SACS: variants seen among roughly 807,000 people sequenced by gnomAD.
SACS encodes the protein sacsin molecular chaperone.
In SACS, 197 loss-of-function variants were observed where a neutral mutation model predicts 348.0. The observed-to-expected ratio is 0.57, with a 90% CI of 0.50 to 0.64. The LOEUF is 0.64. Among genes scored for constraint, SACS ranks in the 30% least tolerant of loss-of-function variants. The pLI, the probability that SACS is intolerant of heterozygous loss-of-function variation, is 0.00. For missense variants in SACS, 4,999 were observed against 5,360.8 expected (o/e 0.93, Z 2.11); for synonymous variants, 1,985 against 1,910.6 (o/e 1.04, Z -1.02).
rs1320224325 is a variant in SACS, at chr13:23,336,290, G to A, written c.7586C>T (p.Thr2529Ile). Residue 2529 changes from threonine (T) to isoleucine (I), a missense_variant, in exon 10 of 10, where the codon ACC becomes ATC. Transcript: ENST00000382292. Reference protein sequence around the residue: ...GTEFGQKEKLTSRIKSILNAY... With the variant: ...GTEFGQKEKLISRIKSILNAY... Reference sequence around the variant, plus strand: ...ATTAAGGATGCTCTTAATTCTGCTGGTCAATTTTTCTTTCTGCCCAAATTC... The same window carrying A: ...ATTAAGGATGCTCTTAATTCTGCTGATCAATTTTTCTTTCTGCCCAAATTC... The A allele has an allele frequency of 3.1e-6, 5 of 1,613,922 alleles. No homozygotes were observed. The highest frequency in any genetic ancestry group is 4.2e-6 in the Non-Finnish European group (5 of 1,179,960).
intron 5 of SACS, 32 bp from the exon 6 acceptor site, chr13:23,365,309 T>G (rs1474284903): frequency 8.3e-7 from 1 of 1,207,880 alleles, no homozygotes. Flanking sequence ...AAATAGTAAT[T>G]AATAACACAG....
intron 2 of SACS, among the ~76,000 whole-genome samples, chr13:23,389,514 G>A (rs1005390227): frequency 2.6e-5 from 4 of 152,132 alleles, no homozygotes; most frequent in African/African-American, 4.8e-5. Flanking sequence ...TTACATCCAC[G>A]TTACTAATTT....
chr13:23,375,462 G>T (rs1871715103), intron 2 of SACS, 193 bp from the exon 3 acceptor site: 1 of 1,171,304 alleles, frequency 8.5e-7, no homozygotes, highest in Non-Finnish European at 1.1e-6. Flanking sequence ...CGGGAGGGCG[G>T]GATCCGCATG....
chr13:23,430,801 AT>A (rs1445513062), intron 1 of SACS, among the ~76,000 whole-genome samples: 1 of 152,212 alleles, frequency 6.6e-6, no homozygotes, highest in African/African-American at 2.4e-5. Flanking sequence ...CTCGAGCAGA[AT>A]ATTTAAAACA....
intron 1 of SACS, chr13:23,426,949 CCTT>C (rs1193581440): frequency 6.6e-6 from 1 of 152,160 alleles, no homozygotes; most frequent in Non-Finnish European, 1.5e-5. Flanking sequence ...CCTTCTTCCT[CCTT>C]CTCTTTCTTT....
intron 9 of SACS, among the ~76,000 whole-genome samples, chr13:23,349,149 G>A (rs935559087): frequency 2.2e-4 from 34 of 152,188 alleles, no homozygotes; most frequent in African/African-American, 7.2e-4. Flanking sequence ...AAGCCCAAGC[G>A]CTGTAGACAG....
At chr13:23,358,657 T>G (rs867199765) in intron 6 of SACS, among the ~76,000 whole-genome samples, 176 bp from the exon 7 acceptor site, 2 of 151,966 alleles carry the variant, frequency 1.3e-5, no homozygotes, top group Non-Finnish European at 2.9e-5. Flanking sequence ...AGACACACAC[T>G]GAAGTAAAAA....
chr13:23,352,321 A>G (rs1870012041), intron 9 of SACS, among the ~76,000 whole-genome samples: 1 of 152,264 alleles, frequency 6.6e-6, no homozygotes, highest in South Asian at 2.1e-4. Flanking sequence ...CCAGCATCAC[A>G]GCAAATAAAA....
At chr13:23,380,261 ACCAT>A (rs1183715079) in intron 2 of SACS, among the ~76,000 whole-genome samples, 1 of 152,078 alleles carries the variant, frequency 6.6e-6, no homozygotes, top group African/African-American at 2.4e-5. Context: ...AGCAGCACTT[ACCAT>A]TCTCACCGGC....
chr13:23,334,373 G>A lies in SACS; in HGVS notation c.9503C>T (p.Ala3168Val). The change falls in exon 10 of 10, where the codon GCA becomes GTA. Residue 3168 changes from alanine to valine, a missense_variant. Transcript: ENST00000382292. ...TGTTGTTAGAAACTTGGGTCGTTTT[G>A]CATCAAAAGTTTGCAAAACACTGTC... ...TLDSVLQTFD[A>V]KRPKFLTTYH... The A allele has an allele frequency of 1.9e-6, 3 of 1,612,774 alleles. No individual in the cohort carries two copies. Among genetic ancestry groups the A allele is most frequent in the South Asian group, 1.1e-5 (1 of 90,866 alleles).
rs757325356 is a variant in SACS at position 23,339,042 on chromosome 13, T to C, written c.4834A>G (p.Arg1612Gly). The change falls in exon 10 of 10, where the codon AGA becomes GGA. Residue 1612 changes from arginine to glycine, a missense_variant. By Grantham distance (125) the Arg-to-Gly change is moderately radical (BLOSUM62 -2). This residue lies in a region of SACS where 3,156 missense variants were observed against 3,380.1 expected (regional missense o/e 0.93). Coordinates refer to ENST00000382292, the MANE Select transcript of SACS (RefSeq NM_014363.6). ...INWSKQQKRL[R>G]KFPNQFKPFI... Reference sequence around the variant, plus strand: ...GGTTTGAACTGATTAGGAAATTTTCTAAGTCTTTTCTGTTGTTTACTCCAA... The same window carrying C: ...GGTTTGAACTGATTAGGAAATTTTCCAAGTCTTTTCTGTTGTTTACTCCAA... 1.3e-5 allele frequency: 21 copies of C among 1,613,440 alleles called. No individual in the cohort carries two copies. Among genetic ancestry groups the C allele is most frequent in the Non-Finnish European group, 1.8e-5 (21 of 1,179,906 alleles).
chr13:23,408,771 C>G (rs1288828985), intron 2 of SACS, among the ~76,000 whole-genome samples: 2 of 151,990 alleles, frequency 1.3e-5, no homozygotes, highest in Non-Finnish European at 1.5e-5. Flanking sequence ...CGAGACCATC[C>G]TGGCTAACAC....
rs1276531383 is a variant in SACS at position 23,371,183 on chromosome 13, A to C, written c.172-18T>G. The C allele has an allele frequency of 2.6e-6, 4 of 1,527,872 alleles. No individual in the cohort carries two copies. The highest frequency in any genetic ancestry group is 3.4e-5 in the Admixed American group (2 of 58,948). The allele number at this position is 1,527,872 out of a possible 1,614,324, so 94.6% of individuals were successfully genotyped here. On this transcript the variant is annotated intron_variant, in intron 3 of 9. Coordinates refer to ENST00000382292, the MANE Select transcript of SACS (RefSeq NM_014363.6). ...TCAGATAACTGAAAAAAAGCAAAAG[A>C]AAATGTATGAAAAGCAATACAGTCT...
Position 23,330,692 on chromosome 13 carries a change from T to C in SACS, c.13184A>G (p.Gln4395Arg). The C allele has an allele frequency of 6.2e-7, 1 of 1,614,178 alleles. No homozygotes were observed. The highest frequency in any genetic ancestry group is 8.5e-7 in the Non-Finnish European group (1 of 1,180,002). Residue 4395 changes from glutamine (Q) to arginine (R), a missense_variant, in exon 10 of 10, where the codon CAG becomes CGG. Around this residue, in one of 6 missense-constraint regions of SACS, gnomAD observed 254 missense variants for 275.1 expected, o/e 0.92. Transcript: ENST00000382292. ...SRFQSDKYSF[Q>R]RFYTSWNQEA... ...TTGATTCCATGAAGTATAGAATCTCTGAAATGAGTATTTGTCTGACTGAAA... is the reference window on the plus strand; with the variant it reads ...TTGATTCCATGAAGTATAGAATCTCCGAAATGAGTATTTGTCTGACTGAAA...
chr13:23,380,213 A>G (rs1455667334), intron 2 of SACS, among the ~76,000 whole-genome samples: 2 of 151,246 alleles, frequency 1.3e-5, no homozygotes, highest in Non-Finnish European at 2.9e-5. Context: ...GACTTCCCCC[A>G]CCTCTTTAGA....
In SACS at chr13:23,332,512, A is replaced by C. The variant is rs1883546739; in HGVS notation, c.11364T>G (p.Arg3788=). Residue 3788 remains arginine, a synonymous_variant, in exon 10 of 10, where the codon CGT becomes CGG. Coordinates refer to ENST00000382292, the MANE Select transcript of SACS (RefSeq NM_014363.6). ...CAAAAGCAACCCCTCGCAACTGAAA[A>C]CGAAATTCCCTTTTTTCTGCACTGA... ...EFLSAEKREF[R]FQLRGVAFVM... is the part of the protein sequence containing the mutation. The C allele has an allele frequency of 6.2e-7, 1 of 1,613,846 alleles. No individual in the cohort carries two copies. The highest frequency in any genetic ancestry group is 1.1e-5 in the South Asian group (1 of 91,076).
chr13:23,412,679 C>T (rs1255247692), intron 1 of SACS, among the ~76,000 whole-genome samples: 1 of 152,108 alleles, frequency 6.6e-6, no homozygotes, highest in Admixed American at 6.5e-5. Flanking sequence ...AGCTCCCAAA[C>T]TGCTGGGATT....
At chr13:23,365,335 C>A in intron 5 of SACS, 58 bp from the exon 6 acceptor site, 1 of 939,758 alleles carries the variant, frequency 1.1e-6, no homozygotes, top group South Asian at 1.6e-5. Context: ...TACTGCTCAT[C>A]TTTGTATTTA....
At chr13:23,357,347 A>G (rs1423428957) in intron 7 of SACS, among the ~76,000 whole-genome samples, 1 of 152,166 alleles carries the variant, frequency 6.6e-6, no homozygotes, top group Non-Finnish European at 1.5e-5. Flanking sequence ...ATATAATTTA[A>G]TTTTGATTAT....
Sources: gnomAD v4.1 joint callset for allele counts (sites outside exome capture counted in the v4.1 genomes callset) on GRCh38, gnomAD v4.1.1 for gene constraint, gnomAD v4.1.1 regional missense constraint, MANE v1.5 for transcripts, NCBI Gene and HGNC (gene_info 2026-07-23, HGNC 2026-07-21) for gene names.